LSAMP: variants seen among roughly 807,000 people sequenced by gnomAD.
The protein encoded by LSAMP is limbic system-associated membrane protein.
Under a neutral mutation model 38.6 loss-of-function variants are expected in LSAMP, and 7 were observed. The observed-to-expected ratio is 0.18, with a 90% confidence interval of 0.10 to 0.34. The LOEUF is 0.34. LSAMP is among the 10% of genes least tolerant of loss of function. The probability of loss-of-function intolerance (pLI) is 1.00; values close to 1 mark genes in which losing one functional copy is unlikely to be tolerated. For synonymous variants in LSAMP, 154 were observed against 166.8 expected, an observed-to-expected ratio of 0.92 and a Z score of 0.59; for missense variants, 313 against 420.0, an observed-to-expected ratio of 0.75 and a Z score of 2.23.
At chr3:115,847,541 A>G (rs997486292) in intron 4 of LSAMP, among the ~76,000 whole-genome samples, 2 of 152,126 alleles carry the variant, frequency 1.3e-5, no homozygotes, top group African/African-American at 4.8e-5. Context: ...TCAAATTGTG[A>G]TCTCCATAAT....
chr3:116,277,495 G>A (rs1227297707), intron 1 of LSAMP, among the ~76,000 whole-genome samples: 2 of 150,884 alleles, frequency 1.3e-5, no homozygotes, highest in Non-Finnish European at 3.0e-5. Context: ...TCAGCCTCCC[G>A]AGTGGCTGGG....
At chr3:116,270,392 T>C (rs150126719) in intron 1 of LSAMP, among the ~76,000 whole-genome samples, 6 of 151,974 alleles carry the variant, frequency 3.9e-5, no homozygotes, top group Admixed American at 3.9e-4. Context: ...GAATTCAGGT[T>C]GCAGTGTCAA....
intron 3 of LSAMP, among the ~76,000 whole-genome samples, chr3:115,876,654 TCTC>T (rs1205115162): frequency 1.3e-5 from 2 of 152,100 alleles, no homozygotes; most frequent in Non-Finnish European, 2.9e-5. Flanking sequence ...ACTCTTAAGA[TCTC>T]CTCATCCAGC....
At chr3:115,820,367 C>T (rs534255563) in intron 6 of LSAMP, among the ~76,000 whole-genome samples, 8 of 152,236 alleles carry the variant, frequency 5.3e-5, no homozygotes, top group African/African-American at 1.9e-4. Flanking sequence ...GGTAAATCGA[C>T]TGAAGCAATG....
intron 6 of LSAMP, among the ~76,000 whole-genome samples, chr3:115,841,161 G>C (rs1335381190): frequency 6.6e-6 from 1 of 152,204 alleles, no homozygotes; most frequent in East Asian, 1.9e-4. Context: ...AGTGTCTTTA[G>C]AATGACCATT....
chr3:116,313,959 C>CA (rs1339587304), intron 1 of LSAMP, among the ~76,000 whole-genome samples: 2 of 152,108 alleles, frequency 1.3e-5, no homozygotes, highest in African/African-American at 2.4e-5. Flanking sequence ...GTCTCAAAAA[C>CA]AAAAAACAAA....
intron 1 of LSAMP, among the ~76,000 whole-genome samples, chr3:116,152,736 G>T (rs1310024070): frequency 6.6e-6 from 1 of 151,996 alleles, no homozygotes; most frequent in African/African-American, 2.4e-5. Context: ...GGATGTATAA[G>T]AAATCCAAAG....
At chr3:116,206,370 A>AT (rs1019274357) in intron 1 of LSAMP, among the ~76,000 whole-genome samples, 1 of 150,960 alleles carries the variant, frequency 6.6e-6, no homozygotes, top group South Asian at 2.1e-4. Flanking sequence ...GGATTCATTA[A>AT]TTTTTTGAAG....
chr3:115,971,008 A>G (rs763603224), intron 3 of LSAMP, among the ~76,000 whole-genome samples: 5 of 152,150 alleles, frequency 3.3e-5, no homozygotes, highest in Non-Finnish European at 5.9e-5. Flanking sequence ...CAGACAGAGT[A>G]ATGGGAACAA....
chr3:115,862,267 T>TTAA (rs757231370), intron 3 of LSAMP, among the ~76,000 whole-genome samples: 87 of 152,314 alleles, frequency 5.7e-4, no homozygotes, highest in Non-Finnish European at 1.0e-3. Flanking sequence ...AGTTGCTGTT[T>TTAA]TTAAGAGTCA....
intron 1 of LSAMP, among the ~76,000 whole-genome samples, chr3:116,113,361 T>C (rs1708660355): frequency 6.7e-6 from 1 of 148,384 alleles, no homozygotes; most frequent in Admixed American, 6.7e-5. Context: ...CAAATGATGT[T>C]CGGTAGAGAA....
At position 116,444,909 on chromosome 3, in the gene LSAMP, G is replaced by T. The variant is rs147943673; in HGVS notation, c.123C>A (p.Ile41=). 4.3e-5 allele frequency: 69 copies of T among 1,614,098 alleles called. 1 individual carries two copies. In the Middle Eastern group the frequency reaches 9.9e-4, roughly 23 times the overall value. ...TGGCTGTGTCCCCCTGCCTCACGGTGATGTTGTCCGTGCCTCGGTTAAAAT... is the reference window on the plus strand; with the variant it reads ...TGGCTGTGTCCCCCTGCCTCACGGTTATGTTGTCCGTGCCTCGGTTAAAAT... ...SVDFNRGTDN[I]TVRQGDTAIL... The change falls in exon 1 of 7, where the codon ATC becomes ATA. Residue 41 remains isoleucine, a synonymous_variant. Coordinates refer to ENST00000490035, the MANE Select transcript of LSAMP (RefSeq NM_002338.5).
chr3:115,948,189 A>T (rs1355057654), intron 3 of LSAMP, among the ~76,000 whole-genome samples: 1 of 152,186 alleles, frequency 6.6e-6, no homozygotes, highest in African/African-American at 2.4e-5. Context: ...TAAGTAACAA[A>T]TCATATAACA....
rs2107523166 is a variant in LSAMP, at chr3:115,852,595, T to C, written c.537A>G (p.Glu179=). ...TPTGREFEGE[E]EYLEILGITR... ...TGATGCCAAGGATCTCCAGATATTC[T>C]TCTTCTCCTTCAAATTCCCTTCCTG... Residue 179 remains glutamate, a synonymous_variant, in exon 4 of 7, where the codon GAA becomes GAG. Transcript: ENST00000490035. The C allele has an allele frequency of 6.2e-7, 1 of 1,612,300 alleles. No homozygotes were observed. The highest frequency in any genetic ancestry group is 8.5e-7 in the Non-Finnish European group (1 of 1,179,454).
intron 4 of LSAMP, among the ~76,000 whole-genome samples, chr3:115,847,445 C>A (rs1391772612): frequency 6.6e-6 from 1 of 152,170 alleles, no homozygotes; most frequent in African/African-American, 2.4e-5. Flanking sequence ...AAAGTAAATA[C>A]TTCTCACTGG....
At chr3:116,175,110 A>G (rs1710304990) in intron 1 of LSAMP, among the ~76,000 whole-genome samples, 1 of 152,094 alleles carries the variant, frequency 6.6e-6, no homozygotes, top group South Asian at 2.1e-4. Flanking sequence ...CTCACAGTAT[A>G]TAACACTCAT....
chr3:116,316,573 C>A (rs200896403), intron 1 of LSAMP, among the ~76,000 whole-genome samples: 2 of 151,850 alleles, frequency 1.3e-5, no homozygotes, highest in Non-Finnish European at 1.5e-5. Context: ...GAGTTCGAGA[C>A]CAGCCTGGCC....
chr3:116,132,556 C>T (rs1920376), intron 1 of LSAMP, among the ~76,000 whole-genome samples: 80,712 of 152,064 alleles, frequency 0.53, 22,572 homozygotes, highest in East Asian at 0.74. Flanking sequence ...ACATGTTTCT[C>T]GTGAACTTCT....
chr3:116,167,128 T>A (rs1279980516), intron 1 of LSAMP, among the ~76,000 whole-genome samples: 2 of 152,224 alleles, frequency 1.3e-5, no homozygotes, highest in East Asian at 3.9e-4. Context: ...AATAGTTTTT[T>A]GGGTACAGGA....
Sources: allele counts gnomAD v4.1 joint callset (sites outside exome capture counted in the v4.1 genomes callset), GRCh38; gene constraint gnomAD v4.1.1; transcripts MANE v1.5; gene names NCBI Gene and HGNC (gene_info 2026-07-23, HGNC 2026-07-21).